The following SCAPER variants were observed in gnomAD, a reference collection of about 807,000 sequenced individuals.
SCAPER encodes S-phase cyclin A associated protein in the ER, also known as S phase cyclin A-associated protein in the endoplasmic reticulum.
A neutral mutation model predicts 182.2 loss-of-function variants in SCAPER; 98 were observed. That is an observed-to-expected ratio of 0.54 (90% CI 0.46 to 0.64). The LOEUF is 0.64. Among genes scored for constraint, SCAPER ranks in the 30% least tolerant of loss-of-function variants. The pLI is 0.00. For synonymous variants in SCAPER, 605 were observed against 564.6 expected (o/e 1.07, Z -1.01); for missense variants, 1,432 against 1,690.0 (o/e 0.85, Z 2.68).
chr15:76,680,417 A>G (rs201228004), intron 20 of SCAPER, among the ~76,000 whole-genome samples: 1,460 of 36,620 alleles, frequency 0.04, 17 homozygotes, highest in East Asian at 0.13. Context: ...TGATGATAAT[A>G]ATAATAATAA....
At chr15:76,463,857 G>A (rs1253389745) in intron 25 of SCAPER, among the ~76,000 whole-genome samples, 3 of 152,144 alleles carry the variant, frequency 2.0e-5, no homozygotes, top group South Asian at 2.1e-4. Flanking sequence ...CAGAAGACCA[G>A]GGTCCAGGTC....
At chr15:76,580,523 G>A (rs532053163) in intron 22 of SCAPER, among the ~76,000 whole-genome samples, 87 of 152,282 alleles carry the variant, frequency 5.7e-4, no homozygotes, top group African/African-American at 1.9e-3. Flanking sequence ...GGGAGGCTAA[G>A]ATAGAAGGCC....
chr15:76,892,685 G>A (rs2074228824), intron 1 of SCAPER, among the ~76,000 whole-genome samples: 1 of 152,194 alleles, frequency 6.6e-6, no homozygotes, highest in Non-Finnish European at 1.5e-5. Flanking sequence ...ATGCTGGAGA[G>A]GATGTGGAGA....
chr15:76,609,217 TG>T (rs2050753441), intron 22 of SCAPER, among the ~76,000 whole-genome samples: 1 of 152,074 alleles, frequency 6.6e-6, no homozygotes, highest in Admixed American at 6.5e-5. Flanking sequence ...CTGGGCACAA[TG>T]GCTCTCACCT....
intron 23 of SCAPER, among the ~76,000 whole-genome samples, chr15:76,544,812 G>C (rs1357414311): frequency 6.6e-6 from 1 of 152,108 alleles, no homozygotes; most frequent in Admixed American, 6.6e-5. Context: ...AACTTGTATG[G>C]TATATGAATT....
At chr15:76,793,159 T>A in intron 8 of SCAPER, 1 of 955,304 alleles carries the variant, frequency 1.0e-6, no homozygotes, top group East Asian at 2.8e-5. Context: ...TAACTAGAAT[T>A]ATTTTTTATA....
At chr15:76,520,212 G>T (rs369578014) in intron 23 of SCAPER, among the ~76,000 whole-genome samples, 2 of 151,914 alleles carry the variant, frequency 1.3e-5, no homozygotes, top group African/African-American at 4.8e-5. Flanking sequence ...GCTATCTTTT[G>T]TTTTTTTGTT....
chr15:76,853,199 C>G (rs893492456), intron 4 of SCAPER, among the ~76,000 whole-genome samples: 1 of 151,798 alleles, frequency 6.6e-6, no homozygotes, highest in African/African-American at 2.4e-5. Context: ...GCCTACCAAC[C>G]AAAAAAAGCC....
At chr15:76,447,972 G>A (rs1451540534) in intron 25 of SCAPER, among the ~76,000 whole-genome samples, 1 of 152,136 alleles carries the variant, frequency 6.6e-6, no homozygotes, top group Non-Finnish European at 1.5e-5. Flanking sequence ...TTAGCCTGCT[G>A]GGATGGTGGT....
Position 76,747,833 on chromosome 15 carries a change from C to A in SCAPER, c.1866+5975G>T, listed in dbSNP as rs1345472176. On this transcript the variant is annotated intron_variant, in intron 15 of 31. Coordinates refer to ENST00000563290, the MANE Select transcript of SCAPER (RefSeq NM_020843.4). Reference sequence around the variant, plus strand: ...AGATGATGGTGCCATGCTTCTTGTACAGCCTACAGAATAGTGAGCTAAATA... The same window carrying A: ...AGATGATGGTGCCATGCTTCTTGTAAAGCCTACAGAATAGTGAGCTAAATA... Among the ~76,000 whole-genome samples, 7 of 152,226 alleles carry A rather than the reference C, an allele frequency of 4.6e-5. No homozygotes were observed. The East Asian group carries it at 1.4e-3, about 29-fold the overall frequency.
chr15:76,634,337 T>C (rs998978265), intron 21 of SCAPER, among the ~76,000 whole-genome samples: 4 of 152,098 alleles, frequency 2.6e-5, no homozygotes, highest in African/African-American at 7.2e-5. Context: ...TGAGAGAATC[T>C]TGGTACTTCA....
At chr15:76,628,195 C>T (rs1011729574) in intron 21 of SCAPER, among the ~76,000 whole-genome samples, 1 of 152,108 alleles carries the variant, frequency 6.6e-6, no homozygotes, top group African/African-American at 2.4e-5. Context: ...TAATTAGATG[C>T]ATAGATTGCA....
intron 23 of SCAPER, among the ~76,000 whole-genome samples, chr15:76,541,121 A>T (rs2044713589): frequency 6.6e-6 from 1 of 152,114 alleles, no homozygotes; most frequent in South Asian, 2.1e-4. Flanking sequence ...CTCCGTCTCA[A>T]AAAAAGAAAA....
intron 4 of SCAPER, among the ~76,000 whole-genome samples, chr15:76,843,401 C>T (rs1024540316): frequency 6.6e-6 from 1 of 152,096 alleles, no homozygotes; most frequent in East Asian, 1.9e-4. Context: ...TTGTAGATGA[C>T]AAAACTGAGG....
intron 9 of SCAPER, 106 bp downstream of exon 9, chr15:76,774,749 T>A: frequency 7.9e-7 from 1 of 1,269,392 alleles, no homozygotes; most frequent in Non-Finnish European, 1.1e-6. Flanking sequence ...GACCTGAAAA[T>A]TTTCACAGTA....
At chr15:76,781,183 G>C (rs1363930517) in intron 8 of SCAPER, among the ~76,000 whole-genome samples, 2 of 152,216 alleles carry the variant, frequency 1.3e-5, no homozygotes, top group Non-Finnish European at 2.9e-5. Flanking sequence ...ACAGTGGAGA[G>C]AAGACTTTAA....
intron 21 of SCAPER, among the ~76,000 whole-genome samples, chr15:76,626,444 C>G (rs557726518): frequency 9.1e-4 from 139 of 152,322 alleles, no homozygotes; most frequent in Non-Finnish European, 1.7e-3. Flanking sequence ...CAGCCACGTT[C>G]GGTGGCTCAC....
chr15:76,533,504 T>G (rs1354646852), intron 23 of SCAPER, among the ~76,000 whole-genome samples: 1 of 152,082 alleles, frequency 6.6e-6, no homozygotes, highest in Non-Finnish European at 1.5e-5. Context: ...ATAGCCTATG[T>G]GTGAAGCAGG....
At chr15:76,561,733 G>C (rs2046643020) in intron 23 of SCAPER, among the ~76,000 whole-genome samples, 1 of 151,404 alleles carries the variant, frequency 6.6e-6, no homozygotes, top group Non-Finnish European at 1.5e-5. Flanking sequence ...TTTTTAGACG[G>C]AGTTTCGCTC....
Sources: allele counts gnomAD v4.1 joint callset (sites outside exome capture counted in the v4.1 genomes callset), GRCh38; gene constraint gnomAD v4.1.1; transcripts MANE v1.5; gene names NCBI Gene and HGNC (gene_info 2026-07-23, HGNC 2026-07-21).